Variants in CDH26 observed in about 807,000 individuals in gnomAD.
CDH26 encodes cadherin 26.
CDH26 carries 83 observed loss-of-function variants against 90.3 expected under a neutral mutation model. The ratio of observed to expected loss-of-function variants is 0.92; its 90% CI spans 0.77 to 1.10. CDH26 has a LOEUF of 1.10. Among genes scored for constraint, CDH26 ranks in the 50% least tolerant of loss-of-function variants. The pLI, the probability that CDH26 is intolerant of heterozygous loss-of-function variation, is 0.00. For missense variants in CDH26, 1,013 were observed against 1,037.6 expected, an observed-to-expected ratio of 0.98 and a Z score of 0.33; for synonymous variants, 397 against 396.3, an observed-to-expected ratio of 1.00 and a Z score of -0.02.
Position 60,013,540 on chromosome 20 carries a change from T to C in CDH26, c.*810T>C, listed in dbSNP as rs886385597. The C allele has an allele frequency of 3.3e-5, 5 of 152,208 alleles. No homozygotes were observed. The highest frequency in any genetic ancestry group is 7.2e-5 in the African/African-American group (3 of 41,470). 9.4% of individuals were successfully genotyped at this position (152,208 alleles called of 1,614,324 possible). On this transcript the variant is annotated 3_prime_UTR_variant, in exon 18 of 18. Coordinates refer to ENST00000348616, the MANE Select transcript of CDH26 (RefSeq NM_177980.4). ...TAATAGGGGACATATGCCCTAAAAA[T>C]AGTCAGTTTTCTAGTCTGAGTAATA...
At chr20:59,958,856 G>A (rs1346801895) in intron 1 of CDH26, 61 bp downstream of exon 1, 1 of 1,536,514 alleles carries the variant, frequency 6.5e-7, no homozygotes, top group Non-Finnish European at 8.9e-7. Context: ...GCACAAGCTG[G>A]CCCTGCCCCT....
chr20:60,033,562 G>A, exon 9 of CDH26: 3 of 1,304,482 alleles, frequency 2.3e-6, no homozygotes, highest in Non-Finnish European at 3.0e-6. Flanking sequence ...AACAAGGTGG[G>A]GTTCGAGTCC....
At chr20:60,014,743 A>G (rs113252155), downstream of CDH26, among the ~76,000 whole-genome samples, 497 of 152,300 alleles carry the variant, frequency 3.3e-3, no homozygotes, top group Non-Finnish European at 5.3e-3. Context: ...GCTATTGTGA[A>G]TAGTGGTGTA....
rs1481727995 is a variant in CDH26, at chr20:59,994,382, T to A, written c.1559T>A (p.Ile520Asn). Residue 520 changes from isoleucine (I) to asparagine (N), a missense_variant, in exon 11 of 18, where the codon ATC (isoleucine) becomes AAC (asparagine). Transcript: ENST00000348616. ...CESAVHEPLH[I>N]EAEDPDLEPF... ...TCTGCTGTGCATGAGCCCCTCCACA[T>A]CGAGGCAGAGGATCCGGACCTGGAG... 6.2e-7 allele frequency: 1 copy of A among 1,614,064 alleles called. No individual in the cohort carries two copies. Among genetic ancestry groups the A allele is most frequent in the Admixed American group, 1.7e-5 (1 of 60,012 alleles).
intron 1 of CDH26, among the ~76,000 whole-genome samples, chr20:59,967,790 TTCCCTCCC>T (rs753223638): frequency 4.0e-5 from 5 of 125,594 alleles, no homozygotes; most frequent in Non-Finnish European, 6.7e-5. Context: ...CCTTCCTTCC[TTCCCTCCC>T]TCCCTCCCTC....
chr20:59,978,402 G>T (rs1295273941), intron 4 of CDH26, among the ~76,000 whole-genome samples: 1 of 148,892 alleles, frequency 6.7e-6, no homozygotes, highest in Non-Finnish European at 1.5e-5. Context: ...TTGAGATGAA[G>T]TCTTGCTCTG....
At chr20:60,026,956 T>C (rs1396646143) in intron 7 of CDH26, among the ~76,000 whole-genome samples, 1 of 151,978 alleles carries the variant, frequency 6.6e-6, no homozygotes, top group Non-Finnish European at 1.5e-5. Flanking sequence ...GCTCACTGAG[T>C]GAATGAGTGA....
Position 60,014,260 on chromosome 20 carries a change from A to G in CDH26, c.*1530A>G, listed in dbSNP as rs1029411879. 1 of 152,202 alleles carries G rather than the reference A, an allele frequency of 6.6e-6. No individual in the cohort carries two copies. Among genetic ancestry groups the G allele is most frequent in the Non-Finnish European group, 1.5e-5 (1 of 68,036 alleles). 9.4% of individuals were successfully genotyped at this position (152,202 alleles called of 1,614,324 possible). On this transcript the variant is annotated 3_prime_UTR_variant, in exon 18 of 18. Transcript: ENST00000348616. ...TCAGATCAGGGTGGTTAACGTAATC[A>G]TTGGCTCAAACATTTTTCATTTCTT...
intron 1 of CDH26, among the ~76,000 whole-genome samples, chr20:59,959,439 G>A (rs539978349): frequency 1.3e-5 from 2 of 150,324 alleles, no homozygotes; most frequent in East Asian, 2.0e-4. Flanking sequence ...ACAGGGTCTC[G>A]TCATCCAGGC....
chr20:59,965,313 T>A (rs1378799343), intron 1 of CDH26, among the ~76,000 whole-genome samples: 1 of 152,198 alleles, frequency 6.6e-6, no homozygotes, highest in Non-Finnish European at 1.5e-5. Context: ...GAGTGGAGGC[T>A]CTGTCCCTGG....
intron 10 of CDH26, among the ~76,000 whole-genome samples, chr20:59,993,880 G>A (rs1487244795): frequency 1.3e-5 from 2 of 152,292 alleles, no homozygotes; most frequent in East Asian, 1.9e-4. Context: ...ACGCGGAGAC[G>A]CAGCGCATTT....
intron 10 of CDH26, among the ~76,000 whole-genome samples, chr20:59,993,213 C>T (rs1281619449): frequency 6.6e-6 from 1 of 152,038 alleles, no homozygotes; most frequent in Non-Finnish European, 1.5e-5. Flanking sequence ...TTCAGGGTTC[C>T]GTCATTCTGT....
rs2061564290 is a variant in CDH26 at position 59,994,312 on chromosome 20, G to A, written c.1489G>A (p.Val497Ile). 1.2e-6 allele frequency: 2 copies of A among 1,613,754 alleles called. No homozygotes were observed. The highest frequency in any genetic ancestry group is 1.7e-6 in the Non-Finnish European group (2 of 1,179,978). The change falls in exon 11 of 18, where the codon GTC becomes ATC. Residue 497 changes from valine to isoleucine, a missense_variant. Physicochemically the swap from Val to Ile is conservative, Grantham distance 29. Transcript: ENST00000348616. ...CTTCCTGTCTGACATCAATGACAAC[G>A]TCCCGACTCTCCGGCCACGTTCCCG... ...MLFLSDINDN[V>I]PTLRPRSRYM...
chr20:60,005,185 A>G (rs73131334), intron 16 of CDH26, among the ~76,000 whole-genome samples: 2,607 of 152,334 alleles, frequency 0.017, 23 homozygotes, highest in Middle Eastern at 0.027. Context: ...ATAATATAGT[A>G]TATAATACAT....
chr20:60,013,410 T>C lies in CDH26; in HGVS notation c.*680T>C, dbSNP rs1388632508. 6.6e-6 allele frequency: 1 copy of C among 152,250 alleles called. No individual in the cohort carries two copies. The highest frequency in any genetic ancestry group is 1.9e-4 in the East Asian group (1 of 5,206). 9.4% of individuals were successfully genotyped at this position (152,250 alleles called of 1,614,324 possible). On this transcript the variant is annotated 3_prime_UTR_variant, in exon 18 of 18. Coordinates refer to ENST00000348616, the MANE Select transcript of CDH26 (RefSeq NM_177980.4). ...GAGCCTTTGAATGAGTAAGTTCTGA[T>C]TAGATTTTATCTTTAAACAAAACCA...
chr20:59,977,984 T>C (rs1341010180), intron 4 of CDH26, among the ~76,000 whole-genome samples: 1 of 152,196 alleles, frequency 6.6e-6, no homozygotes, highest in Admixed American at 6.5e-5. Context: ...CACTTTTGCC[T>C]TTTCCAGAAG....
At chr20:59,976,752 G>A (rs370521992) in intron 4 of CDH26, among the ~76,000 whole-genome samples, 134 of 152,274 alleles carry the variant, frequency 8.8e-4, no homozygotes, top group African/African-American at 2.9e-3. Context: ...TGCGCTAGAC[G>A]TAGGGGCTGC....
intron 1 of CDH26, among the ~76,000 whole-genome samples, chr20:59,965,735 C>T (rs1156845334): frequency 6.6e-6 from 1 of 152,168 alleles, no homozygotes; most frequent in Non-Finnish European, 1.5e-5. Context: ...TTTGATATTA[C>T]ACCAAAACTC....
exon 9 of CDH26, chr20:60,033,789 G>GTGTA: frequency 8.5e-7 from 1 of 1,170,976 alleles, no homozygotes; most frequent in Non-Finnish European, 1.1e-6. Flanking sequence ...GTGTGTGTGT[G>GTGTA]TGTGTGTGTG....
Sources: allele counts gnomAD v4.1 joint callset (sites outside exome capture counted in the v4.1 genomes callset), GRCh38; gene constraint gnomAD v4.1.1; transcripts MANE v1.5; gene names NCBI Gene and HGNC (gene_info 2026-07-23, HGNC 2026-07-21).